UNC13A: variants seen among roughly 807,000 people sequenced by gnomAD.
UNC13A encodes protein unc-13 homolog A.
Under a neutral mutation model 219.7 loss-of-function variants are expected in UNC13A, and 61 were observed. The ratio of observed to expected loss-of-function variants is 0.28; its 90% confidence interval spans 0.23 to 0.34. The LOEUF is 0.34. Ranked by LOEUF, UNC13A falls within the 10% of genes least tolerant of loss-of-function variation. The pLI is 1.00. For missense variants in UNC13A, 1,476 were observed against 2,270.3 expected (o/e 0.65, Z 7.11); for synonymous variants, 920 against 884.6 (o/e 1.04, Z -0.71).
intron 1 of UNC13A, among the ~76,000 whole-genome samples, chr19:17,684,531 G>T (rs1487743260): frequency 1.3e-5 from 2 of 152,220 alleles, no homozygotes; most frequent in African/African-American, 4.8e-5. Context: ...CACAGCCTCA[G>T]GATCCTGCCA....
At chr19:17,623,340 T>G in intron 36 of UNC13A, 3 of 484,984 alleles carry the variant, frequency 6.2e-6, no homozygotes, top group Non-Finnish European at 7.3e-6. Context: ...ACAGGGAGGG[T>G]GGGCGTGGTC....
intron 9 of UNC13A, 108 bp from the exon 10 acceptor site, chr19:17,656,506 C>G: frequency 8.7e-7 from 1 of 1,154,232 alleles, no homozygotes; most frequent in Non-Finnish European, 1.2e-6. Context: ...TACGATGTGC[C>G]AGGTCCTGCT....
rs1047811841 is a variant in UNC13A, at chr19:17,606,006, C to T, written c.*48G>A. 20 of 1,392,410 alleles carry T rather than the reference C, an allele frequency of 1.4e-5. 1 individual carries two copies. The highest frequency in any genetic ancestry group is 1.7e-5 in the Non-Finnish European group (18 of 1,077,478). 86.3% of individuals were successfully genotyped at this position (1,392,410 alleles called of 1,614,324 possible). A position where few individuals can be genotyped will look rare whatever the true frequency, so the allele number is the denominator to read the frequency against. On this transcript the variant is annotated 3_prime_UTR_variant, in exon 44 of 44. Transcript: ENST00000519716. ...AAGGCGCAAGCCCCGTCCCTCCCCGCCCAGCGCCCTCCGCGCAGGCGCAGT... is the reference window on the plus strand; with the variant it reads ...AAGGCGCAAGCCCCGTCCCTCCCCGTCCAGCGCCCTCCGCGCAGGCGCAGT...
At chr19:17,642,456 T>C (rs1236691487) in intron 20 of UNC13A, among the ~76,000 whole-genome samples, 3 of 152,242 alleles carry the variant, frequency 2.0e-5, no homozygotes, top group Admixed American at 6.5e-5. Flanking sequence ...CACTCATTCA[T>C]CTGTTCAATC....
rs1355333897 is a variant in UNC13A at position 17,648,971 on chromosome 19, A to C, written c.1537T>G (p.Ser513Ala). 4 of 1,603,378 alleles carry C rather than the reference A, an allele frequency of 2.5e-6. No individual in the cohort carries two copies. Among genetic ancestry groups the C allele is most frequent in the Non-Finnish European group, 3.4e-6 (4 of 1,175,596 alleles). The change falls in exon 15 of 44, where the codon TCC becomes GCC. Residue 513 changes from serine to alanine, a missense_variant. By Grantham distance (99) the Ser-to-Ala change is moderately conservative. Transcript: ENST00000519716. ...VSDLAMSLVQSRKAGITSALA... is the reference protein window; with the variant it reads ...VSDLAMSLVQARKAGITSALA... ...GCCGAGGTGATGCCCGCTTTCCTGG[A>C]CTGGACCAGGGACTGGGGAGGTCAC...
intron 30 of UNC13A, 65 bp downstream of exon 30, chr19:17,630,080 C>A (rs1337239355): frequency 6.6e-7 from 1 of 1,514,346 alleles, no homozygotes; most frequent in African/African-American, 1.4e-5. Flanking sequence ...CCATCTCCAA[C>A]TCAGACTTCA....
intron 25 of UNC13A, among the ~76,000 whole-genome samples, chr19:17,638,476 T>G (rs1051585769): frequency 2.0e-5 from 3 of 150,024 alleles, no homozygotes; most frequent in African/African-American, 7.4e-5. Context: ...TCAAAATAAA[T>G]AAATAAATTC....
At chr19:17,648,083 T>G (rs1481997828) in intron 16 of UNC13A, among the ~76,000 whole-genome samples, 1 of 129,200 alleles carries the variant, frequency 7.7e-6, no homozygotes, top group East Asian at 2.5e-4. Flanking sequence ...CCTCTTCCTC[T>G]CAGAGCTACC....
At position 17,652,658 on chromosome 19, in the gene UNC13A, A is replaced by G. The variant is rs1568528160; in HGVS notation, c.1412T>C (p.Met471Thr). The G allele has an allele frequency of 8.1e-6, 13 of 1,613,668 alleles. No homozygotes were observed. The highest frequency in any genetic ancestry group is 1.1e-5 in the Non-Finnish European group (13 of 1,179,772). The change falls in exon 12 of 44, where the codon ATG (methionine) becomes ACG (threonine). Residue 471 changes from methionine (M) to threonine (T), a missense_variant. Met to Thr is a moderately conservative substitution (Grantham distance 81). This residue lies in a region of UNC13A where 351 missense variants were observed against 342.6 expected (regional missense o/e 1.02). Transcript: ENST00000519716. ...QLQEARGEGE[M>T]SKSLWFKGGP... is the part of the protein sequence containing the mutation. ...GCCTTTGAACCATAGGGATTTAGACATCTCTCCTTCTCCCCGGGCCTGCAG... is the reference window on the plus strand; with the variant it reads ...GCCTTTGAACCATAGGGATTTAGACGTCTCTCCTTCTCCCCGGGCCTGCAG...
chr19:17,679,274 C>T (rs2079960816), intron 1 of UNC13A, among the ~76,000 whole-genome samples: 1 of 151,978 alleles, frequency 6.6e-6, no homozygotes, highest in African/African-American at 2.4e-5. Flanking sequence ...ATGGTGCACG[C>T]CTGTAGTCCC....
intron 16 of UNC13A, among the ~76,000 whole-genome samples, 185 bp from the exon 17 acceptor site, chr19:17,647,677 A>C (rs1452482455): frequency 7.0e-6 from 1 of 142,064 alleles, no homozygotes; most frequent in African/African-American, 2.7e-5. Flanking sequence ...TCTCGGAGCC[A>C]TGCTCCTCTG....
Position 17,674,543 on chromosome 19 carries a change from G to A in UNC13A, c.152+114C>T. ...GGTGATAAGGTGGACAGGGGAAGAG[G>A]GAGGACAGAGGGGAGTCACCCGGGA... On this transcript the variant is annotated intron_variant, in intron 3 of 43. Transcript: ENST00000519716. This position sits in a 1 kb window ranked among gnomAD's most constrained non-coding sequence, Gnocchi z 5.0. The A allele has an allele frequency of 1.2e-6, 1 of 822,780 alleles. No individual in the cohort carries two copies. The highest frequency in any genetic ancestry group is 2.0e-6 in the Non-Finnish European group (1 of 498,388). The allele number at this position is 822,780 out of a possible 1,614,324, so 51.0% of individuals were successfully genotyped here.
At chr19:17,632,247 A>C (rs1051265370) in intron 28 of UNC13A, among the ~76,000 whole-genome samples, 5 of 151,908 alleles carry the variant, frequency 3.3e-5, no homozygotes, top group Non-Finnish European at 5.9e-5. Flanking sequence ...GTTTCGCCCT[A>C]TTGGCTATGC....
chr19:17,623,484 G>T, intron 36 of UNC13A, 58 bp downstream of exon 36: 2 of 1,454,104 alleles, frequency 1.4e-6, no homozygotes, highest in Non-Finnish European at 1.8e-6. Flanking sequence ...GACGCGGTGG[G>T]CCGAGTCCAG....
chr19:17,618,876 C>G (rs1218582243), intron 39 of UNC13A, 30 bp downstream of exon 39: 2 of 1,613,414 alleles, frequency 1.2e-6, no homozygotes, highest in Non-Finnish European at 1.7e-6. Context: ...GGGGCAGTCC[C>G]TCACGCCATA....
intron 1 of UNC13A, 120 bp from the exon 2 acceptor site, chr19:17,676,161 G>A (rs2079894913): frequency 9.4e-7 from 1 of 1,063,918 alleles, no homozygotes; most frequent in East Asian, 2.6e-5. Flanking sequence ...AGACACAGAG[G>A]AGAGACAGGC....
chr19:17,625,933 T>TCATC (rs74719214), intron 34 of UNC13A, among the ~76,000 whole-genome samples: 3 of 146,570 alleles, frequency 2.0e-5, no homozygotes, highest in Non-Finnish European at 4.5e-5. Context: ...ATCCATCCAT[T>TCATC]CATCCATCCA....
Position 17,649,392 on chromosome 19 carries a change from T to A in UNC13A, c.1519-48A>T. On this transcript the variant is annotated intron_variant, in intron 13 of 43. Transcript: ENST00000519716. This position sits in a 1 kb window ranked among gnomAD's most constrained non-coding sequence, Gnocchi z 4.4. ...GGGGGTAGAAATCAGACTACATTAG[T>A]CTCAGAGAATGCCTAGCTGGCCCCC... 6.2e-7 allele frequency: 1 copy of A among 1,611,978 alleles called. No homozygotes were observed. The highest frequency in any genetic ancestry group is 2.2e-5 in the East Asian group (1 of 44,852).
In UNC13A at chr19:17,672,738, G is replaced by A. The variant is rs115723610; in HGVS notation, c.153-243C>T. Reference sequence around the variant, plus strand: ...AGGATTCAAAGCCGGGAAGGATGGCGTGGGGACAGATGTTACACATCGCCT... The same window carrying A: ...AGGATTCAAAGCCGGGAAGGATGGCATGGGGACAGATGTTACACATCGCCT... On this transcript the variant is annotated intron_variant, in intron 3 of 43. Coordinates refer to ENST00000519716, the MANE Select transcript of UNC13A (RefSeq NM_001080421.3). Among the ~76,000 whole-genome samples, 235 of 152,282 alleles carry A rather than the reference G, an allele frequency of 1.5e-3. 1 individual carries two copies. Among genetic ancestry groups the A allele is most frequent in the African/African-American group, 5.3e-3 (220 of 41,548 alleles).
Sources: gnomAD v4.1 joint callset for allele counts (sites outside exome capture counted in the v4.1 genomes callset) on GRCh38, gnomAD v4.1.1 for gene constraint, gnomAD v4.1.1 regional missense constraint, Gnocchi (gnomAD v3.1) non-coding constraint, MANE v1.5 for transcripts, NCBI Gene and HGNC (gene_info 2026-07-23, HGNC 2026-07-21) for gene names.